Variants in INVS observed in about 807,000 individuals in gnomAD.
The protein encoded by INVS is inversin.
Under a neutral mutation model 108.8 loss-of-function variants are expected in INVS, and 86 were observed. The observed-to-expected ratio is 0.79, with a 90% confidence interval of 0.66 to 0.95. INVS has a LOEUF of 0.95. Among genes scored for constraint, INVS ranks in the 40% least tolerant of loss-of-function variants. The pLI is 0.00. For synonymous variants in INVS, 455 were observed against 473.5 expected (o/e 0.96, Z 0.51); for missense variants, 1,169 against 1,297.4 (o/e 0.90, Z 1.52).
chr9:100,135,739 T>C (rs1224645370), intron 3 of INVS, among the ~76,000 whole-genome samples: 3 of 152,096 alleles, frequency 2.0e-5, no homozygotes, highest in African/African-American at 7.2e-5. Context: ...TCGGTGATAA[T>C]GACTAGTATG....
At chr9:100,179,202 C>T (rs574225566) in intron 3 of INVS, among the ~76,000 whole-genome samples, 70 of 152,166 alleles carry the variant, frequency 4.6e-4, no homozygotes, top group African/African-American at 1.5e-3. Flanking sequence ...TTGTAAAGAC[C>T]ATCGACACTG....
intron 1 of INVS, among the ~76,000 whole-genome samples, chr9:100,100,273 G>A (rs552350923): frequency 3.4e-4 from 51 of 151,696 alleles, no homozygotes; most frequent in South Asian, 1.5e-3. Flanking sequence ...CTTTCTCAGG[G>A]TGACAAAATT....
At chr9:100,213,658 A>T (rs905268476) in intron 3 of INVS, among the ~76,000 whole-genome samples, 3 of 152,234 alleles carry the variant, frequency 2.0e-5, no homozygotes, top group Non-Finnish European at 2.9e-5. Context: ...AAAGTAGTTT[A>T]CTACTCACAA....
At position 100,184,812 on chromosome 9, in the gene INVS, G is replaced by A. The variant is rs565991639; in HGVS notation, c.274-41250G>A. Among the ~76,000 whole-genome samples the A allele has an allele frequency of 6.8e-4, 104 of 152,148 alleles. 1 individual carries two copies. The highest frequency in any genetic ancestry group is 1.2e-3 in the Non-Finnish European group (82 of 68,018). ...AGGCCTATTTAAGAGGTCATTGGAA[G>A]GGAGATGCCATAATTCTTAAAGACA... On this transcript the variant is annotated intron_variant, in intron 3 of 16. Transcript: ENST00000262457.
chr9:100,177,373 T>C (rs958069961), intron 3 of INVS, among the ~76,000 whole-genome samples: 29 of 152,238 alleles, frequency 1.9e-4, no homozygotes, highest in African/African-American at 6.8e-4. Context: ...TAAGATCCAC[T>C]GACTCGAAAT....
chr9:100,220,572 C>T (rs1401106355), intron 3 of INVS, among the ~76,000 whole-genome samples: 1 of 152,176 alleles, frequency 6.6e-6, no homozygotes, highest in Non-Finnish European at 1.5e-5. Flanking sequence ...TATATATCCT[C>T]TTTTGATCTA....
At chr9:100,100,825 A>AATATATATTATATAT (rs1826886082) in intron 1 of INVS, among the ~76,000 whole-genome samples, 1 of 42,688 alleles carries the variant, frequency 2.3e-5, no homozygotes, top group Admixed American at 5.2e-4. Flanking sequence ...TATATAATAT[A>AATATATATTATATAT]TGTATATATA....
At chr9:100,114,739 G>C (rs533915746) in intron 2 of INVS, among the ~76,000 whole-genome samples, 1 of 152,284 alleles carries the variant, frequency 6.6e-6, no homozygotes, top group African/African-American at 2.4e-5. Context: ...TAAGGCATTT[G>C]AGAATTTTCC....
At chr9:100,103,699 G>C (rs1304308408) in intron 1 of INVS, among the ~76,000 whole-genome samples, 1 of 146,010 alleles carries the variant, frequency 6.8e-6, no homozygotes, top group Non-Finnish European at 1.5e-5. Flanking sequence ...GGGGAGGGGA[G>C]GCGAGGGGAA....
chr9:100,189,223 T>C (rs1173590311), intron 3 of INVS, among the ~76,000 whole-genome samples: 1 of 151,862 alleles, frequency 6.6e-6, no homozygotes, highest in Non-Finnish European at 1.5e-5. Flanking sequence ...TGTTTGTTTG[T>C]TTCAATTTCA....
In INVS at chr9:100,284,600, A is replaced by C. The variant is rs1355652364; in HGVS notation, c.2065A>C (p.Asn689His). ...DLQGTNSRRP[N>H]ETAREHSKGQ... ...GCAGGGAACAAACTCCAGAAGGCCAAATGGTAGGTGTATTGCCTTTGTCAT... is the reference window on the plus strand; with the variant it reads ...GCAGGGAACAAACTCCAGAAGGCCACATGGTAGGTGTATTGCCTTTGTCAT... The change falls in exon 13 of 17, where the codon AAT (asparagine) becomes CAT (histidine). Residue 689 changes from asparagine (N) to histidine (H), a missense_variant. Transcript: ENST00000262457. The C allele has an allele frequency of 6.2e-7, 1 of 1,613,028 alleles. No individual in the cohort carries two copies. The highest frequency in any genetic ancestry group is 8.5e-7 in the Non-Finnish European group (1 of 1,179,536).
chr9:100,213,062 G>A (rs1439016653), intron 3 of INVS, among the ~76,000 whole-genome samples: 1 of 152,036 alleles, frequency 6.6e-6, no homozygotes, highest in East Asian at 1.9e-4. Context: ...ATGACAGAAG[G>A]GAGTGAAAGA....
chr9:100,253,230 TGAAGA>T, intron 10 of INVS, 94 bp downstream of exon 10: 2 of 929,960 alleles, frequency 2.2e-6, no homozygotes, highest in Non-Finnish European at 3.4e-6. Flanking sequence ...GTTTACAAGA[TGAAGA>T]GATCACCCAC....
chr9:100,109,351 T>G (rs796154419), intron 2 of INVS, among the ~76,000 whole-genome samples: 1 of 152,206 alleles, frequency 6.6e-6, no homozygotes. Flanking sequence ...TAAGTTAATA[T>G]CCTATTACTG....
chr9:100,268,419 T>G (rs933406727), intron 11 of INVS, among the ~76,000 whole-genome samples: 1 of 152,218 alleles, frequency 6.6e-6, no homozygotes, highest in African/African-American at 2.4e-5. Flanking sequence ...AACATCAGTA[T>G]GTTCCCTTAA....
Position 100,284,604 on chromosome 9 carries a change from G to A in INVS, c.2068+1G>A. ...GGAACAAACTCCAGAAGGCCAAATG[G>A]TAGGTGTATTGCCTTTGTCATCTTC... On this transcript the variant is annotated splice_donor_variant, in intron 13 of 16. Transcript: ENST00000262457. LOFTEE classifies it high-confidence loss of function. The A allele has an allele frequency of 6.2e-7, 1 of 1,612,816 alleles. No homozygotes were observed. Among genetic ancestry groups the A allele is most frequent in the Non-Finnish European group, 8.5e-7 (1 of 1,179,448 alleles).
chr9:100,123,933 G>C (rs1827801519), intron 2 of INVS, among the ~76,000 whole-genome samples: 3 of 152,096 alleles, frequency 2.0e-5, no homozygotes, highest in Admixed American at 2.0e-4. Context: ...AGCCTCCCAA[G>C]TAGCTGGTAT....
intron 2 of INVS, among the ~76,000 whole-genome samples, chr9:100,112,195 C>T (rs1053486848): frequency 1.3e-5 from 2 of 152,166 alleles, no homozygotes; most frequent in African/African-American, 4.8e-5. Flanking sequence ...TGGTCTCGAA[C>T]TCCTGACCTC....
chr9:100,220,279 C>T (rs1173089683), intron 3 of INVS, among the ~76,000 whole-genome samples: 1 of 152,026 alleles, frequency 6.6e-6, no homozygotes, highest in South Asian at 2.1e-4. Context: ...TCACCCTTTT[C>T]ATACATTTGG....
Sources: gnomAD v4.1 joint callset for allele counts (sites outside exome capture counted in the v4.1 genomes callset) on GRCh38, gnomAD v4.1.1 for gene constraint, MANE v1.5 for transcripts, NCBI Gene and HGNC (gene_info 2026-07-23, HGNC 2026-07-21) for gene names.